Variants in KCNQ5 observed in about 807,000 individuals in gnomAD.
KCNQ5 encodes potassium voltage-gated channel subfamily Q member 5.
KCNQ5 carries 30 observed loss-of-function variants against 98.2 expected under a neutral mutation model. That is an observed-to-expected ratio of 0.31 (90% confidence interval 0.23 to 0.41). The LOEUF is 0.41. Ranked by LOEUF, KCNQ5 falls within the 10% of genes least tolerant of loss-of-function variation. The pLI is 1.00. For missense variants in KCNQ5, 835 were observed against 1,182.5 expected, an observed-to-expected ratio of 0.71 and a Z score of 4.31; for synonymous variants, 458 against 449.4, an observed-to-expected ratio of 1.02 and a Z score of -0.24.
At position 72,708,710 on chromosome 6, in the gene KCNQ5, C is replaced by T. The variant is rs147832845; in HGVS notation, c.398+86123C>T. On this transcript the variant is annotated intron_variant, in intron 1 of 13. Transcript: ENST00000370398. ...CTAATTTTTGTATTTTTTGTAGAGA[C>T]GGTGTCTGGCCATGTTGCCCCGCCT... Among the ~76,000 whole-genome samples, 271 of 152,188 alleles carry T rather than the reference C, an allele frequency of 1.8e-3. 1 individual carries two copies. The highest frequency in any genetic ancestry group is 5.6e-3 in the African/African-American group (233 of 41,538).
chr6:73,077,648 G>A, intron 4 of KCNQ5, 114 bp from the exon 5 acceptor site: 2 of 1,261,098 alleles, frequency 1.6e-6, no homozygotes, highest in Middle Eastern at 2.3e-4. Flanking sequence ...GATTATTTAA[G>A]AGCCATCATA....
Position 72,782,486 on chromosome 6 carries a change from G to A in KCNQ5, c.398+159899G>A, listed in dbSNP as rs145414153. Among the ~76,000 whole-genome samples, 1,424 of 152,276 alleles carry A rather than the reference G, an allele frequency of 9.4e-3. 8 individuals are homozygous for A. Among genetic ancestry groups the A allele is most frequent in the Non-Finnish European group, 0.014 (919 of 68,012 alleles). ...ACACAAATGCCGTATCACAAAGCAT[G>A]CACCATTTTCCTTTTAAAATTCCTT... On this transcript the variant is annotated intron_variant, in intron 1 of 13. Coordinates refer to ENST00000370398, the MANE Select transcript of KCNQ5 (RefSeq NM_019842.4).
At chr6:72,725,636 T>G (rs1444786658) in intron 1 of KCNQ5, among the ~76,000 whole-genome samples, 1 of 152,148 alleles carries the variant, frequency 6.6e-6, no homozygotes, top group Non-Finnish European at 1.5e-5. Flanking sequence ...AAAAATGCAT[T>G]GTATGTTTCA....
chr6:73,116,130 TAAGA>T (rs1468874094), intron 7 of KCNQ5, among the ~76,000 whole-genome samples: 2 of 152,100 alleles, frequency 1.3e-5, no homozygotes, highest in African/African-American at 4.8e-5. Flanking sequence ...AAAACTTGTA[TAAGA>T]AAGAAAGAGC....
chr6:72,887,798 A>G (rs1316635114), intron 1 of KCNQ5, among the ~76,000 whole-genome samples: 1 of 152,160 alleles, frequency 6.6e-6, no homozygotes, highest in Non-Finnish European at 1.5e-5. Context: ...AGACAGAAAA[A>G]CTAAGAAGAG....
chr6:72,858,116 A>C (rs1777606733), intron 1 of KCNQ5, among the ~76,000 whole-genome samples: 1 of 152,246 alleles, frequency 6.6e-6, no homozygotes. Flanking sequence ...CATAGCTAGT[A>C]GAACTATATA....
At chr6:72,752,715 C>A (rs1339589430) in intron 1 of KCNQ5, among the ~76,000 whole-genome samples, 3 of 152,070 alleles carry the variant, frequency 2.0e-5, no homozygotes, top group Admixed American at 6.6e-5. Flanking sequence ...ACAGCCAATC[C>A]ATGTAAAATA....
intron 1 of KCNQ5, among the ~76,000 whole-genome samples, chr6:72,725,522 G>C (rs963556536): frequency 6.6e-6 from 1 of 152,100 alleles, no homozygotes; most frequent in African/African-American, 2.4e-5. Context: ...CTGAGGGAGG[G>C]AGATGGAAAG....
chr6:72,752,056 G>A (rs1190079317), intron 1 of KCNQ5, among the ~76,000 whole-genome samples: 1 of 152,024 alleles, frequency 6.6e-6, no homozygotes, highest in Admixed American at 6.6e-5. Context: ...CTTCACGTTG[G>A]GGGTAAGCTA....
intron 5 of KCNQ5, among the ~76,000 whole-genome samples, chr6:73,080,721 A>C (rs1186062103): frequency 1.3e-5 from 2 of 152,190 alleles, no homozygotes; most frequent in Non-Finnish European, 2.9e-5. Context: ...TAAGTGTTAC[A>C]CTTTGATGAA....
chr6:72,869,995 A>G (rs1703130781), intron 1 of KCNQ5, among the ~76,000 whole-genome samples: 2 of 152,236 alleles, frequency 1.3e-5, no homozygotes, highest in African/African-American at 4.8e-5. Flanking sequence ...GCTGCATTGA[A>G]AAGTCCACAC....
intron 1 of KCNQ5, among the ~76,000 whole-genome samples, chr6:72,777,772 G>A (rs1773232876): frequency 6.6e-6 from 1 of 152,122 alleles, no homozygotes; most frequent in Non-Finnish European, 1.5e-5. Flanking sequence ...TACAGAGCCT[G>A]CCCTAAATTT....
At chr6:72,768,522 G>T (rs554012038) in intron 1 of KCNQ5, among the ~76,000 whole-genome samples, 2 of 152,148 alleles carry the variant, frequency 1.3e-5, no homozygotes, top group South Asian at 4.1e-4. Context: ...AGTATAGAAA[G>T]AGAAATTGAT....
At chr6:73,013,663 A>G (rs1050440771) in intron 2 of KCNQ5, among the ~76,000 whole-genome samples, 1 of 152,136 alleles carries the variant, frequency 6.6e-6, no homozygotes, top group Non-Finnish European at 1.5e-5. Flanking sequence ...TAAAATAGCC[A>G]AGATTCCAGC....
chr6:72,725,244 A>G (rs1011932363), intron 1 of KCNQ5, among the ~76,000 whole-genome samples: 5 of 152,162 alleles, frequency 3.3e-5, no homozygotes, highest in African/African-American at 7.2e-5. Flanking sequence ...TATATTAACT[A>G]TTAATATATA....
chr6:72,763,550 A>C (rs908409549), intron 1 of KCNQ5, among the ~76,000 whole-genome samples: 1 of 152,068 alleles, frequency 6.6e-6, no homozygotes, highest in African/African-American at 2.4e-5. Flanking sequence ...TAATATCTGA[A>C]TGCTTAGAAT....
At chr6:72,910,839 G>A (rs988454126) in intron 1 of KCNQ5, among the ~76,000 whole-genome samples, 1 of 152,044 alleles carries the variant, frequency 6.6e-6, no homozygotes, top group Non-Finnish European at 1.5e-5. Context: ...TGAGCAGCAC[G>A]GAAACAGGTA....
intron 2 of KCNQ5, among the ~76,000 whole-genome samples, chr6:73,021,188 C>T (rs1247019400): frequency 6.6e-6 from 1 of 152,166 alleles, no homozygotes; most frequent in Non-Finnish European, 1.5e-5. Flanking sequence ...AGGGAATGGT[C>T]TGTAGCAGTG....
intron 1 of KCNQ5, among the ~76,000 whole-genome samples, chr6:72,943,727 T>A (rs557230398): frequency 2.6e-4 from 40 of 152,324 alleles, no homozygotes; most frequent in African/African-American, 8.7e-4. Context: ...AACTGCGTGA[T>A]CTTGAGGAAG....
Sources: allele counts gnomAD v4.1 joint callset (sites outside exome capture counted in the v4.1 genomes callset), GRCh38; gene constraint gnomAD v4.1.1; transcripts MANE v1.5; gene names NCBI Gene and HGNC (gene_info 2026-07-23, HGNC 2026-07-21).